NKAIN2: variants seen among roughly 807,000 people sequenced by gnomAD.
NKAIN2 encodes the protein sodium/potassium transporting ATPase interacting 2, also known as sodium/potassium-transporting ATPase subunit beta-1-interacting protein 2.
In NKAIN2, 14 loss-of-function variants were observed where a neutral mutation model predicts 32.6. The ratio of observed to expected loss-of-function variants is 0.43; its 90% CI spans 0.28 to 0.67. The LOEUF (loss-of-function observed/expected upper bound fraction) is 0.67. Ranked by LOEUF, NKAIN2 falls within the 30% of genes least tolerant of loss-of-function variation. NKAIN2 has a pLI of 0.17. For missense variants in NKAIN2, 198 were observed against 258.3 expected (o/e 0.77, Z 1.60); for synonymous variants, 80 against 87.2 (o/e 0.92, Z 0.46).
At chr6:123,931,528 A>G (rs1165017516) in intron 1 of NKAIN2, among the ~76,000 whole-genome samples, 1 of 152,156 alleles carries the variant, frequency 6.6e-6, no homozygotes, top group African/African-American at 2.4e-5. Flanking sequence ...AGGGCAGCAC[A>G]TGTATTTTTT....
intron 1 of NKAIN2, among the ~76,000 whole-genome samples, chr6:123,952,388 A>G (rs1019008061): frequency 1.3e-5 from 2 of 152,020 alleles, no homozygotes; most frequent in African/African-American, 2.4e-5. Context: ...GTTGCATTGT[A>G]TATTTTTGGG....
chr6:124,103,862 C>T (rs1027634204), intron 1 of NKAIN2, among the ~76,000 whole-genome samples: 2 of 151,960 alleles, frequency 1.3e-5, no homozygotes, highest in African/African-American at 4.8e-5. Flanking sequence ...CCGAGGTGGG[C>T]GGATCATGAG....
intron 3 of NKAIN2, among the ~76,000 whole-genome samples, chr6:124,495,225 C>T (rs1348953527): frequency 6.6e-6 from 1 of 151,980 alleles, no homozygotes; most frequent in Non-Finnish European, 1.5e-5. Flanking sequence ...CTTTTGTTTC[C>T]ATCTTAATTA....
In NKAIN2 at chr6:124,323,777, A is replaced by ATTTTCTTTTTT. The variant is rs1237658485; in HGVS notation, c.193-31486_193-31485insCTTTTTTTTTT. On this transcript the variant is annotated intron_variant, in intron 2 of 6. Coordinates refer to ENST00000368417, the MANE Select transcript of NKAIN2 (RefSeq NM_001040214.3). ...TGATTTAGCTGTTTCAATTCTTTTA[A>ATTTTCTTTTTT]TTTTTTCTTTTTTTTTTTTTTTTTT... Among the ~76,000 whole-genome samples, 12 of 115,486 alleles carry ATTTTCTTTTTT rather than the reference A, an allele frequency of 1.0e-4. 1 individual carries two copies. The East Asian group carries it at 1.1e-3, about 10-fold the overall frequency. The allele number at this position is 115,486 out of a possible 152,430, so 75.8% of individuals were successfully genotyped here.
In NKAIN2 at chr6:124,275,073, T is replaced by A. The variant is rs192200743; in HGVS notation, c.55-7932T>A. ...GTTTTTTAAACCTCATATAATATGC[T>A]AGTCATCAGCTTGTCTTTTGATAGC... On this transcript the variant is annotated intron_variant, in intron 1 of 6. Coordinates refer to ENST00000368417, the MANE Select transcript of NKAIN2 (RefSeq NM_001040214.3). 4.0e-3 allele frequency among the ~76,000 whole-genome samples: 604 copies of A among 152,244 alleles called. 5 individuals carry two copies. The highest frequency in any genetic ancestry group is 6.8e-3 in the Middle Eastern group (2 of 294).
intron 1 of NKAIN2, among the ~76,000 whole-genome samples, chr6:124,103,904 G>A (rs552947010): frequency 6.6e-6 from 1 of 152,078 alleles, no homozygotes; most frequent in South Asian, 2.1e-4. Flanking sequence ...TGGCTAACAC[G>A]GTGAAACCCC....
intron 1 of NKAIN2, 104 bp downstream of exon 1, chr6:123,804,358 A>G (rs1029143285): frequency 1.0e-6 from 1 of 987,202 alleles, no homozygotes; most frequent in Non-Finnish European, 1.6e-6. Context: ...CGAAAAAGAT[A>G]AAAGAGAAGG....
At chr6:124,168,047 A>G (rs937015490) in intron 1 of NKAIN2, among the ~76,000 whole-genome samples, 1 of 152,196 alleles carries the variant, frequency 6.6e-6, no homozygotes, top group Non-Finnish European at 1.5e-5. Context: ...TCAATGCCAC[A>G]TTATTTGTCA....
intron 3 of NKAIN2, among the ~76,000 whole-genome samples, chr6:124,466,772 GA>G: frequency 6.6e-6 from 1 of 150,858 alleles, no homozygotes; most frequent in Admixed American, 6.6e-5. Flanking sequence ...AAGAAATCAG[GA>G]AAATATGTTA....
intron 2 of NKAIN2, among the ~76,000 whole-genome samples, chr6:124,310,658 G>A (rs532356929): frequency 9.2e-5 from 14 of 152,246 alleles, no homozygotes; most frequent in Admixed American, 2.6e-4. Flanking sequence ...TTAACTGAAA[G>A]CCGAAAGTAG....
At chr6:124,334,784 G>T (rs1293460247) in intron 2 of NKAIN2, among the ~76,000 whole-genome samples, 3 of 152,140 alleles carry the variant, frequency 2.0e-5, no homozygotes, top group Non-Finnish European at 2.9e-5. Flanking sequence ...AAGGCAGTCT[G>T]GTCCCTAGGC....
chr6:124,193,337 G>A (rs1356053472), intron 1 of NKAIN2, among the ~76,000 whole-genome samples: 1 of 152,156 alleles, frequency 6.6e-6, no homozygotes, highest in Non-Finnish European at 1.5e-5. Flanking sequence ...TCTGGCCACT[G>A]CCCATAGCCA....
intron 1 of NKAIN2, among the ~76,000 whole-genome samples, chr6:123,933,323 A>G (rs1007496241): frequency 4.6e-5 from 7 of 152,190 alleles, no homozygotes; most frequent in Admixed American, 2.6e-4. Flanking sequence ...TTTTGCAGTG[A>G]CCATTCTAAA....
intron 1 of NKAIN2, among the ~76,000 whole-genome samples, chr6:123,810,988 G>T (rs1001357267): frequency 5.3e-5 from 8 of 152,178 alleles, no homozygotes; most frequent in East Asian, 1.9e-4. Flanking sequence ...TAGGACCAGA[G>T]AATTTGTATT....
intron 3 of NKAIN2, among the ~76,000 whole-genome samples, chr6:124,551,149 A>G (rs1219926164): frequency 6.6e-6 from 1 of 152,212 alleles, no homozygotes; most frequent in African/African-American, 2.4e-5. Flanking sequence ...CAAGAGAAAT[A>G]AAAGTATTTG....
chr6:124,492,929 T>G (rs1256387999), intron 3 of NKAIN2, among the ~76,000 whole-genome samples: 1 of 151,904 alleles, frequency 6.6e-6, no homozygotes, highest in Non-Finnish European at 1.5e-5. Flanking sequence ...AGAGGTATAT[T>G]CTGGAGTCAG....
chr6:123,831,399 T>G (rs1338660679), intron 1 of NKAIN2, among the ~76,000 whole-genome samples: 1 of 151,708 alleles, frequency 6.6e-6, no homozygotes, highest in East Asian at 1.9e-4. Flanking sequence ...GCAATAGGAT[T>G]TATTTTTAAT....
At position 123,812,090 on chromosome 6, in the gene NKAIN2, G is replaced by A. The variant is rs145966918; in HGVS notation, c.54+7836G>A. Among the ~76,000 whole-genome samples the A allele has an allele frequency of 1.9e-4, 29 of 151,602 alleles. No homozygotes were observed. The East Asian group carries it at 5.5e-3, about 29-fold the overall frequency. ...GGTCACAGTGCATATTAGCATATTA[G>A]CAGCTACAGGAAGTCCTGCACTAAA... On this transcript the variant is annotated intron_variant, in intron 1 of 6. Coordinates refer to ENST00000368417, the MANE Select transcript of NKAIN2 (RefSeq NM_001040214.3).
At chr6:124,498,580 T>C (rs1284227570) in intron 3 of NKAIN2, among the ~76,000 whole-genome samples, 4 of 152,150 alleles carry the variant, frequency 2.6e-5, no homozygotes, top group Non-Finnish European at 5.9e-5. Flanking sequence ...CCCACAGAAA[T>C]ACATCATACA....
Sources: gnomAD v4.1 joint callset for allele counts (sites outside exome capture counted in the v4.1 genomes callset) on GRCh38, gnomAD v4.1.1 for gene constraint, MANE v1.5 for transcripts, NCBI Gene and HGNC (gene_info 2026-07-23, HGNC 2026-07-21) for gene names.